HOXA3: variants seen among roughly 807,000 people sequenced by gnomAD.
HOXA3 encodes the protein homeobox protein Hox-A3.
HOXA3 carries 8 observed loss-of-function variants against 30.3 expected under a neutral mutation model. That is an observed-to-expected ratio of 0.26 (90% CI 0.15 to 0.48). The LOEUF is 0.48. Among genes scored for constraint, HOXA3 ranks in the 20% least tolerant of loss-of-function variants. HOXA3 has a pLI of 0.99. For synonymous variants in HOXA3, 323 were observed against 273.1 expected, an observed-to-expected ratio of 1.18 and a Z score of -1.80; for missense variants, 653 against 614.4, an observed-to-expected ratio of 1.06 and a Z score of -0.66.
chr7:27,108,702 T>A lies in HOXA3; in HGVS notation c.545A>T (p.Asp182Val). 1 of 1,603,400 alleles carries A rather than the reference T, an allele frequency of 6.2e-7. No individual in the cohort carries two copies. Among genetic ancestry groups the A allele is most frequent in the South Asian group, 1.1e-5 (1 of 90,662 alleles). The change falls in exon 6 of 6, where the codon GAC (aspartate) becomes GTC (valine). Residue 182 changes from aspartate (D) to valine (V), a missense_variant. By Grantham distance (152) the Asp-to-Val change is radical. Coordinates refer to ENST00000612286, the MANE Select transcript of HOXA3 (RefSeq NM_153631.3). This position sits in a 1 kb window ranked among gnomAD's most constrained non-coding sequence, Gnocchi z 5.0. ...SSSSGESCAG[D>V]KSPPGQASSK... is the part of the protein sequence containing the mutation. ...CGAAGCCTGCCCCGGCGGGCTCTTG[T>A]CGCCAGCGCAGCTTTCGCCTGCGAG...
At chr7:27,130,742 G>T in intron 2 of HOXA3, 6 of 1,602,302 alleles carry the variant, frequency 3.7e-6, no homozygotes, top group Non-Finnish European at 5.1e-6. Flanking sequence ...ATTAATTTGT[G>T]AAGTGCAAAA....
chr7:27,109,175 A>G (rs1338316132), intron 5 of HOXA3, among the ~76,000 whole-genome samples: 1 of 152,166 alleles, frequency 6.6e-6, no homozygotes, highest in Non-Finnish European at 1.5e-5. Flanking sequence ...TCAACTGGCC[A>G]CTTTTTTCTC....
chr7:27,145,637 G>T (rs769000807), intron 1 of HOXA3: 150 of 1,607,948 alleles, frequency 9.3e-5, no homozygotes, highest in Middle Eastern at 1.8e-4. Flanking sequence ...TGCAGCGCTG[G>T]CCTGGTCCCT....
chr7:27,145,459 TTTGTTTTGTTTTG>T lies in HOXA3; in HGVS notation c.-493-5286_-493-5274del, dbSNP rs1161705973. 2.6e-5 allele frequency: 6 copies of T among 227,230 alleles called. No homozygotes were observed. The Admixed American group carries it at 2.9e-4, about 11-fold the overall frequency. The allele number at this position is 227,230 out of a possible 1,614,324, so 14.1% of individuals were successfully genotyped here. A position where few individuals can be genotyped will look rare whatever the true frequency, so the allele number is the denominator to read the frequency against. On this transcript the variant is annotated intron_variant, in intron 1 of 5. Coordinates refer to ENST00000612286, the MANE Select transcript of HOXA3 (RefSeq NM_153631.3). ...GGCTGTGTGTGAGGTTTTGTTTTGT[TTTGTTTTGTTTTG>T]TTTTGTTTTGTTTTGTTTTGTTTTG...
chr7:27,143,111 G>C (rs377343707), intron 1 of HOXA3: 45 of 1,585,380 alleles, frequency 2.8e-5, no homozygotes, highest in Non-Finnish European at 3.7e-5. Flanking sequence ...CGCCGGGCTC[G>C]GCTCGCTCTG....
At chr7:27,110,032 T>C in intron 5 of HOXA3, 83 bp downstream of exon 5, 2 of 1,527,648 alleles carry the variant, frequency 1.3e-6, no homozygotes, top group Non-Finnish European at 1.8e-6. Flanking sequence ...CCATCGCTCC[T>C]AGGCTGTGCT....
chr7:27,107,456 G>A lies in HOXA3; in HGVS notation c.*459C>T, dbSNP rs1784073532. On this transcript the variant is annotated 3_prime_UTR_variant, in exon 6 of 6. Transcript: ENST00000612286. Reference sequence around the variant, plus strand: ...AGTCATCCTTGCACAGAGAGCCCCTGTTTCAAAGCGCCTTTGATTTTTTTT... The same window carrying A: ...AGTCATCCTTGCACAGAGAGCCCCTATTTCAAAGCGCCTTTGATTTTTTTT... 6.6e-6 allele frequency: 1 copy of A among 152,568 alleles called. No homozygotes were observed. Among genetic ancestry groups the A allele is most frequent in the Admixed American group, 6.6e-5 (1 of 15,244 alleles). 9.5% of individuals were successfully genotyped at this position (152,568 alleles called of 1,614,324 possible).
Position 27,108,365 on chromosome 7 carries a change from G to A in HOXA3, c.882C>T (p.Pro294=), listed in dbSNP as rs1259978363. 5 of 1,553,380 alleles carry A rather than the reference G, an allele frequency of 3.2e-6. No individual in the cohort carries two copies. Among genetic ancestry groups the A allele is most frequent in the Middle Eastern group, 1.7e-4 (1 of 5,856 alleles). ...CCTGGGGGGGCTTGGAGAAGGGCGG[G>A]GGCGACTGGGGCTCATACGGGACGC... The part of the protein sequence containing the change: ...VNSVPYEPQS[P]PPFSKPPQGT... Residue 294 remains proline (P), a synonymous_variant, in exon 6 of 6, where the codon CCC becomes CCT. Transcript: ENST00000612286. The surrounding 1 kb of genome is among the most constrained non-coding windows in gnomAD (Gnocchi z 5.0).
chr7:27,126,807 A>G (rs1785304900), intron 3 of HOXA3, 79 bp downstream of exon 3: 1 of 152,212 alleles, frequency 6.6e-6, no homozygotes, highest in African/African-American at 2.4e-5. Flanking sequence ...TTTCATCCTC[A>G]TACAACTGCC....
At position 27,108,429 on chromosome 7, in the gene HOXA3, G is replaced by A. The variant is rs1784153972; in HGVS notation, c.818C>T (p.Ala273Val). The change falls in exon 6 of 6, where the codon GCC becomes GTC. Residue 273 changes from alanine to valine, a missense_variant. Physicochemically the swap from Ala to Val is moderately conservative, Grantham distance 64. This residue lies in a region of HOXA3 where 330 missense variants were observed against 274.4 expected (regional missense o/e 1.20). Transcript: ENST00000612286. This position sits in a 1 kb window ranked among gnomAD's most constrained non-coding sequence, Gnocchi z 5.0. ...SPSRSPVPPGAGGYLNSMHSL... is the reference protein window; with the variant it reads ...SPSRSPVPPGVGGYLNSMHSL... ...ATGCATAGAGTTCAGATAGCCACCG[G>A]CTCCGGGGGGCACGGGGCTGCGACT... The A allele has an allele frequency of 6.2e-7, 1 of 1,613,650 alleles. No homozygotes were observed. The highest frequency in any genetic ancestry group is 8.5e-7 in the Non-Finnish European group (1 of 1,179,824).
intron 1 of HOXA3, chr7:27,145,845 T>G (rs748477751): frequency 2.5e-6 from 4 of 1,614,254 alleles, no homozygotes. Flanking sequence ...GTGGAACTCC[T>G]TCTCCAGCTC....
chr7:27,129,371 C>T lies in HOXA3; in HGVS notation c.-389-2301G>A, dbSNP rs1785418587. 1 of 1,614,144 alleles carries T rather than the reference C, an allele frequency of 6.2e-7. No homozygotes were observed. The highest frequency in any genetic ancestry group is 1.7e-5 in the Admixed American group (1 of 60,020). ...ATCTTGGTGTTGGGCAGTTTGTGGTCTTTCTTCCACTTCATCCTCCGGTTC... is the reference window on the plus strand; with the variant it reads ...ATCTTGGTGTTGGGCAGTTTGTGGTTTTTCTTCCACTTCATCCTCCGGTTC... On this transcript the variant is annotated intron_variant, in intron 2 of 5. Transcript: ENST00000612286.
chr7:27,137,761 C>G (rs2128057689), intron 2 of HOXA3, among the ~76,000 whole-genome samples: 1 of 152,244 alleles, frequency 6.6e-6, no homozygotes, highest in Non-Finnish European at 1.5e-5. Context: ...CAGAAATAAG[C>G]AAGCTGACAA....
At chr7:27,117,654 T>C (rs886311511) in intron 4 of HOXA3, among the ~76,000 whole-genome samples, 1 of 152,080 alleles carries the variant, frequency 6.6e-6, no homozygotes, top group Non-Finnish European at 1.5e-5. Flanking sequence ...CCCTCATCGA[T>C]TTCCCTCTTC....
chr7:27,145,017 A>T (rs1164440001), intron 1 of HOXA3, among the ~76,000 whole-genome samples: 2 of 152,088 alleles, frequency 1.3e-5, no homozygotes, highest in Non-Finnish European at 2.9e-5. Flanking sequence ...GCCTCGGCTG[A>T]GGCTGCTTCT....
chr7:27,140,012 AG>A (rs1782497469), intron 2 of HOXA3, 70 bp downstream of exon 2: 3 of 145,768 alleles, frequency 2.1e-5, no homozygotes, highest in Non-Finnish European at 4.4e-5. Flanking sequence ...AGAGAGAGAG[AG>A]AGAGAGAGAG....
At chr7:27,135,924 A>G (rs748090699) in intron 2 of HOXA3, among the ~76,000 whole-genome samples, 2 of 152,248 alleles carry the variant, frequency 1.3e-5, no homozygotes, top group Admixed American at 6.5e-5. Context: ...GATGAGATAC[A>G]GCATGTATTA....
chr7:27,147,736 A>G, intron 1 of HOXA3: 1 of 1,608,118 alleles, frequency 6.2e-7, no homozygotes, highest in Non-Finnish European at 8.5e-7. Context: ...GGGATTCACA[A>G]AATAGGAACT....
chr7:27,109,655 T>A (rs17500564), intron 5 of HOXA3, among the ~76,000 whole-genome samples: 11,034 of 152,290 alleles, frequency 0.072, 812 homozygotes, highest in African/African-American at 0.19. Flanking sequence ...CTCCATCTGC[T>A]GGAGCAAAAA....
Sources: allele counts gnomAD v4.1 joint callset (sites outside exome capture counted in the v4.1 genomes callset), GRCh38; gene constraint gnomAD v4.1.1; regional missense constraint gnomAD v4.1.1; non-coding constraint Gnocchi (gnomAD v3.1); transcripts MANE v1.5; gene names NCBI Gene and HGNC (gene_info 2026-07-23, HGNC 2026-07-21).